RCL1: variants seen among roughly 807,000 people sequenced by gnomAD.
The protein encoded by RCL1 is RNA terminal phosphate cyclase like 1.
A neutral mutation model predicts 42.4 loss-of-function variants in RCL1; 24 were observed. The ratio of observed to expected loss-of-function variants is 0.57; its 90% CI spans 0.41 to 0.80. RCL1 has a LOEUF of 0.80. RCL1 is among the 30% of genes least tolerant of loss of function. The probability of loss-of-function intolerance (pLI) is 0.00; values close to 1 mark genes in which losing one functional copy is unlikely to be tolerated. For synonymous variants in RCL1, 228 were observed against 177.3 expected (o/e 1.29, Z -2.27); for missense variants, 578 against 467.9 (o/e 1.24, Z -2.17).
chr9:4,830,835 G>A (rs932499282), intron 3 of RCL1, among the ~76,000 whole-genome samples: 2 of 152,032 alleles, frequency 1.3e-5, no homozygotes, highest in Admixed American at 6.5e-5. Flanking sequence ...TTTACCTTTT[G>A]ATTGATTGAC....
chr9:4,822,839 A>T (rs887653992), intron 1 of RCL1, among the ~76,000 whole-genome samples: 1 of 152,138 alleles, frequency 6.6e-6, no homozygotes, highest in African/African-American at 2.4e-5. Flanking sequence ...ATAAACTTTT[A>T]ATATAAAATT....
intron 1 of RCL1, among the ~76,000 whole-genome samples, chr9:4,800,199 G>A (rs1282037427): frequency 6.6e-6 from 1 of 151,770 alleles, no homozygotes; most frequent in Admixed American, 6.6e-5. Flanking sequence ...AAAAATTTGT[G>A]GACAGGTTTT....
intron 1 of RCL1, among the ~76,000 whole-genome samples, chr9:4,806,507 C>T (rs1345795533): frequency 2.0e-5 from 3 of 151,280 alleles, no homozygotes; most frequent in African/African-American, 4.9e-5. Flanking sequence ...CTTCTTCAGC[C>T]TATAAATATG....
Position 4,823,642 on chromosome 9 carries a change from A to G in RCL1, c.208+23A>G, listed in dbSNP as rs752035898. 47 of 1,555,936 alleles carry G rather than the reference A, an allele frequency of 3.0e-5. No homozygotes were observed. The East Asian group carries it at 9.8e-4, about 32-fold the overall frequency. On this transcript the variant is annotated intron_variant, in intron 2 of 8. Coordinates refer to ENST00000381750, the MANE Select transcript of RCL1 (RefSeq NM_005772.5). ...CAGGTAAGCTCCTTTTAGATTCCTA[A>G]AAGCACCTCCATGCACTAAAGCATT...
chr9:4,800,933 C>T (rs902900774), intron 1 of RCL1, among the ~76,000 whole-genome samples: 48 of 152,198 alleles, frequency 3.2e-4, no homozygotes, highest in Admixed American at 2.9e-3. Context: ...GGATTACAGG[C>T]GTGAGCCACC....
chr9:4,819,100 T>C (rs1416287050), intron 1 of RCL1, among the ~76,000 whole-genome samples: 5 of 152,210 alleles, frequency 3.3e-5, no homozygotes, highest in African/African-American at 7.2e-5. Flanking sequence ...TTAAGAAATA[T>C]GCACATGACA....
chr9:4,850,873 G>A (rs1011980360), intron 8 of RCL1, among the ~76,000 whole-genome samples: 2 of 152,014 alleles, frequency 1.3e-5, no homozygotes, highest in Non-Finnish European at 2.9e-5. Flanking sequence ...CGTAGCTGCC[G>A]TTTCCCAGCC....
chr9:4,794,016 C>T (rs562439228), intron 1 of RCL1, among the ~76,000 whole-genome samples: 20 of 152,336 alleles, frequency 1.3e-4, no homozygotes, highest in Admixed American at 2.0e-4. Context: ...CCTTGGTTTA[C>T]ACCTGGCCCC....
chr9:4,828,901 C>T (rs1003156281), intron 3 of RCL1, among the ~76,000 whole-genome samples: 3 of 152,216 alleles, frequency 2.0e-5, no homozygotes, highest in African/African-American at 7.2e-5. Context: ...TGGTTGGTAT[C>T]TGGCTCCAGG....
At chr9:4,800,835 G>T (rs1842988638) in intron 1 of RCL1, among the ~76,000 whole-genome samples, 1 of 151,622 alleles carries the variant, frequency 6.6e-6, no homozygotes, top group Non-Finnish European at 1.5e-5. Context: ...TATATTTTTG[G>T]TAGAGACGGG....
chr9:4,837,439 G>T (rs1262467105), intron 5 of RCL1, among the ~76,000 whole-genome samples: 1 of 152,118 alleles, frequency 6.6e-6, no homozygotes, highest in South Asian at 2.1e-4. Flanking sequence ...GGTTTGTCTG[G>T]GGGGTAGTTG....
chr9:4,818,622 C>T (rs1351542617), intron 1 of RCL1, among the ~76,000 whole-genome samples: 2 of 152,138 alleles, frequency 1.3e-5, no homozygotes, highest in Admixed American at 6.5e-5. Flanking sequence ...GTGGCTCACG[C>T]CTGTAATCCC....
intron 5 of RCL1, chr9:4,839,687 A>G (rs1817249351): frequency 1.0e-6 from 1 of 985,134 alleles, no homozygotes; most frequent in African/African-American, 1.7e-5. Flanking sequence ...CTCTTTCCTC[A>G]TTTCAGGTTT....
chr9:4,820,117 T>C (rs537637280), intron 1 of RCL1, among the ~76,000 whole-genome samples: 63 of 152,360 alleles, frequency 4.1e-4, no homozygotes, highest in Admixed American at 9.1e-4. Context: ...AACCTAATTA[T>C]GTATTCATAA....
At chr9:4,810,917 C>T (rs1346943640) in intron 1 of RCL1, among the ~76,000 whole-genome samples, 1 of 152,070 alleles carries the variant, frequency 6.6e-6, no homozygotes, top group Non-Finnish European at 1.5e-5. Context: ...TTAATGATCA[C>T]AAATAATTGT....
chr9:4,815,668 G>A (rs1816348370), intron 1 of RCL1, among the ~76,000 whole-genome samples: 1 of 151,922 alleles, frequency 6.6e-6, no homozygotes, highest in African/African-American at 2.4e-5. Flanking sequence ...GCTTGCTCCT[G>A]GAGCAAGACA....
At position 4,860,426 on chromosome 9, in the gene RCL1, A is replaced by T. The variant is rs536003701; in HGVS notation, c.*151A>T. On this transcript the variant is annotated 3_prime_UTR_variant, in exon 9 of 9. Coordinates refer to ENST00000381750, the MANE Select transcript of RCL1 (RefSeq NM_005772.5). ...AAATATCAATATACAAATAAAAGAC[A>T]TCCCTGTAGCATATGGTTTCCAGCT... 13 of 831,960 alleles carry T rather than the reference A, an allele frequency of 1.6e-5. No homozygotes were observed. Among genetic ancestry groups the T allele is most frequent in the Non-Finnish European group, 2.3e-5 (13 of 561,032 alleles). 51.5% of individuals were successfully genotyped at this position (831,960 alleles called of 1,614,324 possible).
At chr9:4,801,308 A>C (rs1563827017) in intron 1 of RCL1, among the ~76,000 whole-genome samples, 1 of 152,044 alleles carries the variant, frequency 6.6e-6, no homozygotes, top group Non-Finnish European at 1.5e-5. Flanking sequence ...AGTAGCTGGG[A>C]CTACAGGCAC....
rs750078171 is a variant in RCL1, at chr9:4,860,205, A to C, written c.1052A>C (p.Lys351Thr). 1 of 1,613,170 alleles carries C rather than the reference A, an allele frequency of 6.2e-7. No individual in the cohort carries two copies. The highest frequency in any genetic ancestry group is 1.3e-5 in the African/African-American group (1 of 74,996). ...IETKPCGEEL[K>T]GGDKVLMTCV... ...ACCAAGCCATGTGGTGAAGAACTCA[A>C]GGGTGGGGATAAAGTGCTGATGACC... The change falls in exon 9 of 9, where the codon AAG becomes ACG. Residue 351 changes from lysine (K) to threonine (T), a missense_variant. Lys to Thr is a moderately conservative substitution (Grantham distance 78). Coordinates refer to ENST00000381750, the MANE Select transcript of RCL1 (RefSeq NM_005772.5).
Sources: allele counts gnomAD v4.1 joint callset (sites outside exome capture counted in the v4.1 genomes callset), GRCh38; gene constraint gnomAD v4.1.1; transcripts MANE v1.5; gene names NCBI Gene and HGNC (gene_info 2026-07-23, HGNC 2026-07-21).